The following CTNNA2 variants were observed in gnomAD, a reference collection of about 807,000 sequenced individuals.
CTNNA2 encodes the protein catenin alpha-2.
CTNNA2 carries 42 observed loss-of-function variants against 101.0 expected under a neutral mutation model. The observed-to-expected ratio is 0.42, with a 90% CI of 0.32 to 0.54. The LOEUF (loss-of-function observed/expected upper bound fraction) is 0.54. Among genes scored for constraint, CTNNA2 ranks in the 20% least tolerant of loss-of-function variants. The probability of loss-of-function intolerance (pLI) is 0.14; values close to 1 mark genes in which losing one functional copy is unlikely to be tolerated. For missense variants in CTNNA2, 871 were observed against 1,223.1 expected, an observed-to-expected ratio of 0.71 and a Z score of 4.29; for synonymous variants, 450 against 456.4, an observed-to-expected ratio of 0.99 and a Z score of 0.18.
chr2:80,179,758 T>C (rs1434722056), intron 7 of CTNNA2, among the ~76,000 whole-genome samples: 1 of 152,190 alleles, frequency 6.6e-6, no homozygotes, highest in Non-Finnish European at 1.5e-5. Flanking sequence ...TTGTTTTTGA[T>C]TTACTATCTT....
intron 18 of CTNNA2, among the ~76,000 whole-genome samples, chr2:80,623,795 A>G (rs1222447138): frequency 6.6e-6 from 1 of 151,970 alleles, no homozygotes. Context: ...CCAAAGTTTT[A>G]GAATCCCTGC....
intron 7 of CTNNA2, among the ~76,000 whole-genome samples, chr2:80,236,370 G>C (rs13420343): frequency 6.6e-6 from 1 of 152,048 alleles, no homozygotes; most frequent in South Asian, 2.1e-4. Context: ...CCCACTTTCT[G>C]TATCTTGCAC....
intron 2 of CTNNA2, among the ~76,000 whole-genome samples, chr2:79,726,765 T>G (rs950972362): frequency 6.6e-6 from 1 of 152,208 alleles, no homozygotes; most frequent in Non-Finnish European, 1.5e-5. Flanking sequence ...TATTTTAAAA[T>G]GGGGTAGAGA....
chr2:79,772,452 A>G (rs574454523), intron 3 of CTNNA2, among the ~76,000 whole-genome samples: 109 of 152,336 alleles, frequency 7.2e-4, no homozygotes, highest in African/African-American at 2.5e-3. Context: ...TCCATCTCAG[A>G]TAATAGTTCA....
At chr2:80,624,243 A>G (rs975369203) in intron 18 of CTNNA2, among the ~76,000 whole-genome samples, 8 of 62,826 alleles carry the variant, frequency 1.3e-4, no homozygotes, top group East Asian at 6.6e-4. Context: ...ACTTCCTTGG[A>G]AAAAAAACGT....
chr2:79,220,716 AT>A (rs1674331139), intron 2 of CTNNA2, among the ~76,000 whole-genome samples: 1 of 152,156 alleles, frequency 6.6e-6, no homozygotes, highest in African/African-American at 2.4e-5. Context: ...AAACTGGGAA[AT>A]TGAAAAAAAG....
At chr2:80,392,411 T>C (rs1004319374) in intron 7 of CTNNA2, among the ~76,000 whole-genome samples, 42 of 152,326 alleles carry the variant, frequency 2.8e-4, no homozygotes, top group Admixed American at 2.7e-3. Context: ...ATAAAGTTTA[T>C]AGAGCTTTTC....
intron 4 of CTNNA2, among the ~76,000 whole-genome samples, chr2:79,861,134 A>C (rs1681592256): frequency 6.6e-6 from 1 of 152,226 alleles, no homozygotes; most frequent in Admixed American, 6.5e-5. Flanking sequence ...AGAAGAGTAA[A>C]GTAGTGACTC....
chr2:80,045,808 T>G (rs923816369), intron 7 of CTNNA2, among the ~76,000 whole-genome samples: 4 of 152,078 alleles, frequency 2.6e-5, no homozygotes, highest in African/African-American at 7.2e-5. Flanking sequence ...AAACAGGCCA[T>G]TGAAAAAAAA....
chr2:80,642,512 G>A (rs149029094), intron 18 of CTNNA2, among the ~76,000 whole-genome samples: 2 of 152,296 alleles, frequency 1.3e-5, no homozygotes, highest in African/African-American at 2.4e-5. Context: ...ATACTTGGAT[G>A]ATGTGTAGAT....
At chr2:79,263,380 A>G (rs1674947754) in intron 2 of CTNNA2, among the ~76,000 whole-genome samples, 3 of 152,018 alleles carry the variant, frequency 2.0e-5, no homozygotes, top group Non-Finnish European at 4.4e-5. Context: ...TTCCCTCCCC[A>G]ACTGTCTTGC....
intron 18 of CTNNA2, among the ~76,000 whole-genome samples, chr2:80,641,989 T>A (rs1673546225): frequency 6.6e-6 from 1 of 152,096 alleles, no homozygotes; most frequent in African/African-American, 2.4e-5. Flanking sequence ...AAGCAAAACA[T>A]GATTTTTTTA....
chr2:79,745,201 C>T (rs560127487), intron 3 of CTNNA2, among the ~76,000 whole-genome samples: 5 of 152,152 alleles, frequency 3.3e-5, no homozygotes, highest in South Asian at 4.2e-4. Context: ...GAGGCCAAGG[C>T]GGGTGGATTG....
Position 80,527,627 on chromosome 2 carries a change from A to G in CTNNA2, c.1291-17355A>G, listed in dbSNP as rs535468247. Among the ~76,000 whole-genome samples the G allele has an allele frequency of 3.2e-3, 486 of 152,256 alleles. 4 individuals are homozygous for G. Among genetic ancestry groups the G allele is most frequent in the African/African-American group, 0.011 (460 of 41,566 alleles). The stretch of plus-strand genomic sequence containing the variant: ...CTGGTGAAATGTAGGTTTAGCAAGC[A>G]CACCAGGTGATTCTTATGATGGGGC... On this transcript the variant is annotated intron_variant, in intron 9 of 18. Transcript: ENST00000402739.
intron 7 of CTNNA2, among the ~76,000 whole-genome samples, chr2:80,247,999 A>G (rs1030653208): frequency 4.0e-5 from 6 of 151,314 alleles, no homozygotes; most frequent in African/African-American, 1.5e-4. Flanking sequence ...TGGTACCTCT[A>G]TCATTTGTCT....
At chr2:80,306,715 G>A (rs1310481285) in intron 7 of CTNNA2, among the ~76,000 whole-genome samples, 1 of 151,928 alleles carries the variant, frequency 6.6e-6, no homozygotes, top group Non-Finnish European at 1.5e-5. Context: ...GGGTGTTGAG[G>A]AGGCACCCGC....
At chr2:80,179,608 C>T (rs577867142) in intron 7 of CTNNA2, among the ~76,000 whole-genome samples, 7 of 152,218 alleles carry the variant, frequency 4.6e-5, no homozygotes, top group East Asian at 1.9e-4. Flanking sequence ...CTCCTGACCT[C>T]GTGATCCGCC....
At chr2:79,859,607 G>A (rs1034705996) in intron 4 of CTNNA2, among the ~76,000 whole-genome samples, 6 of 123,938 alleles carry the variant, frequency 4.8e-5, no homozygotes, top group Non-Finnish European at 1.1e-4. Context: ...GAAACTGCTT[G>A]GAAGTTTTTT....
At chr2:79,479,862 G>A (rs1280662833) in intron 4 of CTNNA2, among the ~76,000 whole-genome samples, 5 of 151,968 alleles carry the variant, frequency 3.3e-5, no homozygotes, top group East Asian at 3.9e-4. Context: ...GATGGAGGTC[G>A]CAGTGAGCTG....
Sources: allele counts gnomAD v4.1 joint callset (sites outside exome capture counted in the v4.1 genomes callset), GRCh38; gene constraint gnomAD v4.1.1; transcripts MANE v1.5; gene names NCBI Gene and HGNC (gene_info 2026-07-23, HGNC 2026-07-21).